The following ANO10 variants were observed in gnomAD, a reference collection of about 807,000 sequenced individuals.
ANO10 encodes the protein anoctamin-10.
In ANO10, 77 loss-of-function variants were observed where a neutral mutation model predicts 74.7. The observed-to-expected ratio is 1.03, with a 90% CI of 0.86 to 1.25. The LOEUF (loss-of-function observed/expected upper bound fraction) is 1.25. Among genes scored for constraint, ANO10 ranks in the 50% most tolerant of loss-of-function variants. The probability of loss-of-function intolerance (pLI) is 0.00; values close to 1 mark genes in which losing one functional copy is unlikely to be tolerated. For missense variants in ANO10, 721 were observed against 778.1 expected, an observed-to-expected ratio of 0.93 and a Z score of 0.87; for synonymous variants, 279 against 284.9, an observed-to-expected ratio of 0.98 and a Z score of 0.21.
intron 1 of ANO10, among the ~76,000 whole-genome samples, chr3:43,616,508 T>C (rs2083114639): frequency 1.3e-5 from 2 of 151,934 alleles, no homozygotes; most frequent in South Asian, 2.1e-4. Context: ...AGTGCTGGCA[T>C]TGCCTGGATT....
chr3:43,408,264 A>C (rs1186329347), intron 12 of ANO10, among the ~76,000 whole-genome samples: 1 of 151,988 alleles, frequency 6.6e-6, no homozygotes, highest in African/African-American at 2.4e-5. Flanking sequence ...GGTCATAGAG[A>C]GTTCTCAAAT....
At chr3:43,676,325 T>G (rs549530072) in intron 1 of ANO10, among the ~76,000 whole-genome samples, 64 of 151,280 alleles carry the variant, frequency 4.2e-4, no homozygotes, top group African/African-American at 1.6e-3. Context: ...TAGCTAGGCA[T>G]GGTGGTAAGC....
At position 43,546,690 on chromosome 3, in the gene ANO10, G is replaced by A. The variant is rs1022569762; in HGVS notation, c.1797+3030C>T. Among the ~76,000 whole-genome samples, 4 of 151,428 alleles carry A rather than the reference G, an allele frequency of 2.6e-5. No homozygotes were observed. The South Asian group carries it at 8.3e-4, about 31-fold the overall frequency. ...AGTATATGGGCTCAATAGTAGTGTG[G>A]ACATATAGAAGATGTTGAAACAGTG... On this transcript the variant is annotated intron_variant, in intron 11 of 12. Transcript: ENST00000292246.
intron 1 of ANO10, among the ~76,000 whole-genome samples, chr3:43,615,782 T>C (rs2083070109): frequency 6.6e-6 from 1 of 151,836 alleles, no homozygotes; most frequent in Non-Finnish European, 1.5e-5. Flanking sequence ...GCCTCCCGAG[T>C]AGCTGGGACT....
At chr3:43,568,175 T>C (rs1425903728) in intron 7 of ANO10, among the ~76,000 whole-genome samples, 2 of 152,082 alleles carry the variant, frequency 1.3e-5, no homozygotes, top group Non-Finnish European at 2.9e-5. Flanking sequence ...AGCACCAAGA[T>C]TCATAAAGCA....
intron 1 of ANO10, among the ~76,000 whole-genome samples, chr3:43,652,672 TA>T (rs902582601): frequency 4.6e-5 from 7 of 152,176 alleles, no homozygotes; most frequent in African/African-American, 1.4e-4. Flanking sequence ...CAATAAAATT[TA>T]AAAGGACTTA....
At position 43,441,412 on chromosome 3, in the gene ANO10, T is replaced by G. The variant is rs149515901; in HGVS notation, c.1798-8685A>C. 3.1e-3 allele frequency among the ~76,000 whole-genome samples: 468 copies of G among 152,006 alleles called. 4 individuals are homozygous for G. Among genetic ancestry groups the G allele is most frequent in the African/African-American group, 0.011 (446 of 41,514 alleles). On this transcript the variant is annotated intron_variant, in intron 11 of 12. Transcript: ENST00000292246. ...TTATACACCAATAAACTGGATAAACTAGAAATAAATGAATTCCTAGAAACA... is the reference window on the plus strand; with the variant it reads ...TTATACACCAATAAACTGGATAAACGAGAAATAAATGAATTCCTAGAAACA...
At chr3:43,390,661 T>C (rs1458256899) in intron 12 of ANO10, among the ~76,000 whole-genome samples, 2 of 152,136 alleles carry the variant, frequency 1.3e-5, no homozygotes. Context: ...TGGCACAAAA[T>C]TGGGGGTGAG....
intron 4 of ANO10, among the ~76,000 whole-genome samples, chr3:43,590,144 A>C (rs139702426): frequency 6.6e-6 from 1 of 152,292 alleles, no homozygotes; most frequent in East Asian, 1.9e-4. Flanking sequence ...TGGGAGAAGT[A>C]TTTTCCTGCC....
chr3:43,530,725 A>T (rs2078428382), intron 11 of ANO10, among the ~76,000 whole-genome samples: 1 of 152,168 alleles, frequency 6.6e-6, no homozygotes, highest in Non-Finnish European at 1.5e-5. Flanking sequence ...ATTGTTGTTA[A>T]TATCTTACTG....
chr3:43,547,461 A>G (rs1418547876), intron 11 of ANO10, among the ~76,000 whole-genome samples: 1 of 152,148 alleles, frequency 6.6e-6, no homozygotes, highest in African/African-American at 2.4e-5. Flanking sequence ...TCCCCCTGAA[A>G]CCTGCAGGGA....
chr3:43,646,648 C>G (rs1228394788), intron 1 of ANO10, among the ~76,000 whole-genome samples: 1 of 152,058 alleles, frequency 6.6e-6, no homozygotes, highest in Non-Finnish European at 1.5e-5. Context: ...TGGGATTACA[C>G]GTGCCTGCCA....
At chr3:43,643,225 G>T (rs2083689263) in intron 1 of ANO10, among the ~76,000 whole-genome samples, 1 of 151,772 alleles carries the variant, frequency 6.6e-6, no homozygotes, top group South Asian at 2.1e-4. Flanking sequence ...TAGAGACGGG[G>T]TTTCACCGTG....
chr3:43,573,207 C>T (rs2080825107), intron 7 of ANO10, among the ~76,000 whole-genome samples: 1 of 152,160 alleles, frequency 6.6e-6, no homozygotes, highest in Non-Finnish European at 1.5e-5. Flanking sequence ...ACAGAACTTC[C>T]TAGCTGATTT....
At chr3:43,381,480 G>A (rs965583731) in intron 12 of ANO10, among the ~76,000 whole-genome samples, 8 of 152,130 alleles carry the variant, frequency 5.3e-5, no homozygotes, top group Admixed American at 3.3e-4. Flanking sequence ...ACAGGGACAT[G>A]ATATAATGAT....
At chr3:43,540,345 C>A (rs1291384703) in intron 11 of ANO10, among the ~76,000 whole-genome samples, 1 of 152,260 alleles carries the variant, frequency 6.6e-6, no homozygotes. Flanking sequence ...GTCTAAGATG[C>A]CCAGGTTTGT....
chr3:43,366,626 T>C lies in ANO10; in HGVS notation c.*280A>G, dbSNP rs2091419347. On this transcript the variant is annotated 3_prime_UTR_variant, in exon 13 of 13. Transcript: ENST00000292246. ...ATGGTGAGAGGCTCAAGGGCGGCAG[T>C]GGCTCTGCAGCAAAGTTGGCAGCTG... 1.9e-6 allele frequency: 1 copy of C among 527,738 alleles called. No individual in the cohort carries two copies. The highest frequency in any genetic ancestry group is 3.4e-6 in the Non-Finnish European group (1 of 291,246). The allele number at this position is 527,738 out of a possible 1,614,324, so 32.7% of individuals were successfully genotyped here. A position where few individuals can be genotyped will look rare whatever the true frequency, so the allele number is the denominator to read the frequency against.
chr3:43,453,046 AG>A (rs1444082657), intron 11 of ANO10, among the ~76,000 whole-genome samples: 1 of 152,102 alleles, frequency 6.6e-6, no homozygotes, highest in Non-Finnish European at 1.5e-5. Flanking sequence ...GAGTTTTAAT[AG>A]TTCTTTAATT....
At chr3:43,600,874 A>C (rs1272201103) in intron 2 of ANO10, among the ~76,000 whole-genome samples, 1 of 152,184 alleles carries the variant, frequency 6.6e-6, no homozygotes. Context: ...ATAAAAGTGC[A>C]CCAAATAAAA....
Sources: gnomAD v4.1 joint callset for allele counts (sites outside exome capture counted in the v4.1 genomes callset) on GRCh38, gnomAD v4.1.1 for gene constraint, MANE v1.5 for transcripts, NCBI Gene and HGNC (gene_info 2026-07-23, HGNC 2026-07-21) for gene names.